UBXN1: variants seen among roughly 807,000 people sequenced by gnomAD.
The protein encoded by UBXN1 is UBX domain-containing protein 1.
Under a neutral mutation model 42.0 loss-of-function variants are expected in UBXN1, and 21 were observed. The observed-to-expected ratio is 0.50, with a 90% confidence interval of 0.35 to 0.72. UBXN1 has a LOEUF of 0.72. Among genes scored for constraint, UBXN1 ranks in the 30% least tolerant of loss-of-function variants. The probability of loss-of-function intolerance (pLI) is 0.00; values close to 1 mark genes in which losing one functional copy is unlikely to be tolerated. For synonymous variants in UBXN1, 172 were observed against 142.6 expected (o/e 1.21, Z -1.47); for missense variants, 374 against 382.2 (o/e 0.98, Z 0.18).
At chr11:62,677,755 C>T (rs1339687206) in intron 6 of UBXN1, 26 bp downstream of exon 6, 15 of 1,614,094 alleles carry the variant, frequency 9.3e-6, no homozygotes, top group Non-Finnish European at 1.3e-5. Context: ...CACTCCATTA[C>T]CCGTGGCGTC....
chr11:62,678,826 C>G, intron 1 of UBXN1, 39 bp downstream of exon 1: 1 of 1,609,092 alleles, frequency 6.2e-7, no homozygotes, highest in Non-Finnish European at 8.5e-7. Context: ...GGTCCGCGAC[C>G]CCCCACACCC....
At position 62,678,918 on chromosome 11, in the gene UBXN1, C is replaced by T. The variant is rs1037236336; in HGVS notation, c.6G>A (p.Ala2=). 6.3e-7 allele frequency: 1 copy of T among 1,588,366 alleles called. No homozygotes were observed. The highest frequency in any genetic ancestry group is 8.5e-7 in the Non-Finnish European group (1 of 1,170,768). ...TGAGACTCTCAAGAGCCGTCAGCTC[C>T]GCCATGGCGCCGACACCGCGGCTTC... The part of the protein sequence containing the change: M[A]ELTALESLIE... The change falls in exon 1 of 9, where the codon GCG becomes GCA. Residue 2 remains alanine, a synonymous_variant. Coordinates refer to ENST00000301935, the MANE Select transcript of UBXN1 (RefSeq NM_001286077.2).
Position 62,678,940 on chromosome 11 carries a change from C to G in UBXN1, c.-17G>C. On this transcript the variant is annotated 5_prime_UTR_variant, in exon 1 of 9. Transcript: ENST00000301935. ...CTCCGCCATGGCGCCGACACCGCGG[C>G]TTCCGCGGGGACCTGGTGTGTGACG... 6.4e-7 allele frequency: 1 copy of G among 1,570,904 alleles called. No individual in the cohort carries two copies. The highest frequency in any genetic ancestry group is 8.6e-7 in the Non-Finnish European group (1 of 1,162,186).
Position 62,676,513 on chromosome 11 carries a change from G to T in UBXN1, c.*77C>A, listed in dbSNP as rs1303537580. The T allele has an allele frequency of 6.7e-7, 1 of 1,499,034 alleles. No individual in the cohort carries two copies. The highest frequency in any genetic ancestry group is 2.0e-5 in the Admixed American group (1 of 50,980). 92.9% of individuals were successfully genotyped at this position (1,499,034 alleles called of 1,614,324 possible). On this transcript the variant is annotated 3_prime_UTR_variant, in exon 9 of 9. Transcript: ENST00000301935. ...GAGTCAGGCATGTACAGAACTCAGG[G>T]TCTATTTATTAGGAAGGAGATGTCA...
Position 62,676,829 on chromosome 11 carries a change from C to T in UBXN1, c.828G>A (p.Arg276=), listed in dbSNP as rs1482313113. ...CAGCCATACCCAGCTCCTGCAGAGG[C>T]CGCTCCATGTCAGCTTCTGAGAAGG... ...RRAFSEADME[R]PLQELGLVPS... The change falls in exon 8 of 9, where the codon CGG becomes CGA. Residue 276 remains arginine, a synonymous_variant. Coordinates refer to ENST00000301935, the MANE Select transcript of UBXN1 (RefSeq NM_001286077.2). 6 of 1,614,076 alleles carry T rather than the reference C, an allele frequency of 3.7e-6. No homozygotes were observed. Among genetic ancestry groups the T allele is most frequent in the East Asian group, 4.5e-5 (2 of 44,900 alleles).
At chr11:62,677,044 A>G in intron 7 of UBXN1, 39 bp from the exon 8 acceptor site, 3 of 1,575,858 alleles carry the variant, frequency 1.9e-6, no homozygotes, top group Non-Finnish European at 2.6e-6. Flanking sequence ...GTGGGCATCA[A>G]AACTGAATGA....
intron 4 of UBXN1, 22 bp from the exon 5 acceptor site, chr11:62,678,140 G>T: frequency 6.2e-7 from 1 of 1,612,414 alleles, no homozygotes. Context: ...AGGGAAAACA[G>T]TTCAAGAGAA....
chr11:62,676,972 T>C lies in UBXN1; in HGVS notation c.685A>G (p.Thr229Ala). 1 of 1,611,514 alleles carries C rather than the reference T, an allele frequency of 6.2e-7. No homozygotes were observed. The change falls in exon 8 of 9, where the codon ACG (threonine) becomes GCG (alanine). Residue 229 changes from threonine to alanine, a missense_variant. Coordinates refer to ENST00000301935, the MANE Select transcript of UBXN1 (RefSeq NM_001286077.2). ...RLPDGTSLTQ[T>A]FRAREQLAAV... Reference sequence around the variant, plus strand: ...GCCAGCTGTTCCCGGGCCCGGAACGTCTGGGTCAGTGAGGTCCCATCTGGC... The same window carrying C: ...GCCAGCTGTTCCCGGGCCCGGAACGCCTGGGTCAGTGAGGTCCCATCTGGC...
Position 62,676,547 on chromosome 11 carries a change from T to G in UBXN1, c.*43A>C. 1 of 1,551,002 alleles carries G rather than the reference T, an allele frequency of 6.4e-7. No homozygotes were observed. The highest frequency in any genetic ancestry group is 8.7e-7 in the Non-Finnish European group (1 of 1,150,942). On this transcript the variant is annotated 3_prime_UTR_variant, in exon 9 of 9. Coordinates refer to ENST00000301935, the MANE Select transcript of UBXN1 (RefSeq NM_001286077.2). ...TTAGGAAGGAGATGTCAGTGCTTTA[T>G]CAAAGATGAAGGGGTCACAGAGGGA... is the stretch of plus-strand genomic sequence containing the variant.
At position 62,677,844 on chromosome 11, in the gene UBXN1, A is replaced by G; in HGVS notation, c.483-12T>C. On this transcript the variant is annotated splice_polypyrimidine_tract_variant and intron_variant, in intron 5 of 8. Coordinates refer to ENST00000301935, the MANE Select transcript of UBXN1 (RefSeq NM_001286077.2). ...CTCTAACTCTTTGTCTGAAATGTAG[A>G]CAAGAAGAAATTAGGTCAGACATCA... 1.2e-6 allele frequency: 2 copies of G among 1,614,210 alleles called. No homozygotes were observed. Among genetic ancestry groups the G allele is most frequent in the Non-Finnish European group, 1.7e-6 (2 of 1,180,044 alleles).
intron 1 of UBXN1, 58 bp downstream of exon 1, chr11:62,678,807 G>C: frequency 6.2e-7 from 1 of 1,610,890 alleles, no homozygotes; most frequent in Non-Finnish European, 8.5e-7. Context: ...TGGGGCAAAG[G>C]CCGAGACAGG....
chr11:62,678,175 G>A (rs1415966749), intron 4 of UBXN1, 57 bp from the exon 5 acceptor site: 7 of 1,605,252 alleles, frequency 4.4e-6, no homozygotes, highest in Admixed American at 1.7e-5. Flanking sequence ...AAGGTGTAAA[G>A]TTTACAATAA....
intron 1 of UBXN1, 30 bp downstream of exon 1, chr11:62,678,835 C>A: frequency 6.2e-7 from 1 of 1,609,008 alleles, no homozygotes; most frequent in Middle Eastern, 1.7e-4. Flanking sequence ...CCCCCCACAC[C>A]CGCAGGCCGG....
rs540281553 is a variant in UBXN1, at chr11:62,678,994, G to T, written c.-71C>A. 102 of 1,504,162 alleles carry T rather than the reference G, an allele frequency of 6.8e-5. 2 individuals carry two copies. The South Asian group carries it at 1.2e-3, about 18-fold the overall frequency. 93.2% of individuals were successfully genotyped at this position (1,504,162 alleles called of 1,614,324 possible). A position where few individuals can be genotyped will look rare whatever the true frequency, so the allele number is the denominator to read the frequency against. On this transcript the variant is annotated 5_prime_UTR_variant, in exon 1 of 9. Transcript: ENST00000301935. ...AGGAGGGCGGGAAGGGTCAGCGCGA[G>T]GCAACCCGCCCTCGACACCCGCCGA...
At position 62,677,543 on chromosome 11, in the gene UBXN1, C is replaced by G; in HGVS notation, c.626G>C (p.Arg209Pro). The stretch of plus-strand genomic sequence containing the variant: ...CTGTATGCGACACTGGTCATACTCC[C>G]GCTTGGTGGGAGGCTCCTGGCTGGG... ...SSPSQEPPTK[R>P]EYDQCRIQVR... Residue 209 changes from arginine (R) to proline (P), a missense_variant, in exon 7 of 9, where the codon CGG (arginine) becomes CCG (proline). Arg to Pro is a moderately radical substitution (Grantham distance 103, BLOSUM62 -2). Coordinates refer to ENST00000301935, the MANE Select transcript of UBXN1 (RefSeq NM_001286077.2). 6.2e-7 allele frequency: 1 copy of G among 1,614,158 alleles called. No individual in the cohort carries two copies. The highest frequency in any genetic ancestry group is 8.5e-7 in the Non-Finnish European group (1 of 1,180,024).
At chr11:62,678,311 C>T in intron 4 of UBXN1, 28 bp downstream of exon 4, 2 of 1,614,152 alleles carry the variant, frequency 1.2e-6, no homozygotes, top group Non-Finnish European at 8.5e-7. Flanking sequence ...AGACGACCCT[C>T]AGACACGTGA....
chr11:62,676,820 C>CT lies in UBXN1; in HGVS notation c.836dup (p.Glu280GlyfsTer42). ...CTAGTCTTGCAGCCATACCCAGCTC[C>CT]TGCAGAGGCCGCTCCATGTCAGCTT... is the stretch of plus-strand genomic sequence containing the variant. On this transcript the variant is annotated frameshift_variant, in exon 8 of 9. Transcript: ENST00000301935. LOFTEE classifies it high-confidence loss of function. 6.2e-7 allele frequency: 1 copy of CT among 1,614,232 alleles called. No individual in the cohort carries two copies. Among genetic ancestry groups the CT allele is most frequent in the Non-Finnish European group, 8.5e-7 (1 of 1,180,052 alleles).
intron 7 of UBXN1, chr11:62,677,273 A>C: frequency 3.3e-6 from 2 of 613,224 alleles, no homozygotes. Context: ...CTACATAATA[A>C]ACCAAATAAA....
At chr11:62,678,234 T>G (rs1945067651) in intron 4 of UBXN1, 105 bp downstream of exon 4, 5 of 1,604,772 alleles carry the variant, frequency 3.1e-6, no homozygotes, top group Non-Finnish European at 2.6e-6. Flanking sequence ...GAAAAGAAAA[T>G]GCCAAGAAAG....
Sources: allele counts gnomAD v4.1 joint callset, GRCh38; gene constraint gnomAD v4.1.1; transcripts MANE v1.5; gene names NCBI Gene and HGNC (gene_info 2026-07-23, HGNC 2026-07-21).